Variants in MSRA observed in about 807,000 individuals in gnomAD.
MSRA encodes the protein mitochondrial peptide methionine sulfoxide reductase.
In MSRA, 54 loss-of-function variants were observed where a neutral mutation model predicts 31.3. The observed-to-expected ratio is 1.73, with a 90% CI of 1.39 to 2.17. The LOEUF (loss-of-function observed/expected upper bound fraction) is 2.17, where lower values mean the gene tolerates loss of function less well. Ranked by LOEUF, MSRA falls within the 30% of genes most tolerant of loss-of-function variation. MSRA has a pLI of 0.00. For synonymous variants in MSRA, 169 were observed against 116.5 expected (o/e 1.45, Z -2.90); for missense variants, 507 against 300.9 (o/e 1.69, Z -5.07).
At chr8:10,226,355 A>G (rs1234184103) in intron 2 of MSRA, among the ~76,000 whole-genome samples, 1 of 152,226 alleles carries the variant, frequency 6.6e-6, no homozygotes, top group Non-Finnish European at 1.5e-5. Flanking sequence ...CTTGTCAAGA[A>G]TGCTAAGAAG....
At chr8:10,241,487 A>G (rs769909525) in intron 2 of MSRA, among the ~76,000 whole-genome samples, 1 of 152,220 alleles carries the variant, frequency 6.6e-6, no homozygotes, top group African/African-American at 2.4e-5. Context: ...CAAGTTCGTC[A>G]TCTTGAAGAC....
chr8:10,195,434 G>A (rs1463276479), intron 1 of MSRA, among the ~76,000 whole-genome samples: 2 of 152,134 alleles, frequency 1.3e-5, no homozygotes, highest in African/African-American at 4.8e-5. Flanking sequence ...AGAGATGGGG[G>A]TTCCCCATGT....
At position 10,182,293 on chromosome 8, in the gene MSRA, A is replaced by G. The variant is rs115871850; in HGVS notation, c.143-25540A>G. ...GGTGCAGGCTGTTAAGGCCAAGAGT[A>G]TAAACTAAACTGTGTGTATCAGTTA... On this transcript the variant is annotated intron_variant, in intron 1 of 5. Coordinates refer to ENST00000317173, the MANE Select transcript of MSRA (RefSeq NM_012331.5). Among the ~76,000 whole-genome samples the G allele has an allele frequency of 7.2e-3, 1,103 of 152,340 alleles. 15 individuals are homozygous for G. The highest frequency in any genetic ancestry group is 0.024 in the African/African-American group (977 of 41,574).
chr8:10,232,269 C>A (rs995981748), intron 2 of MSRA, among the ~76,000 whole-genome samples: 3 of 152,224 alleles, frequency 2.0e-5, no homozygotes, highest in Non-Finnish European at 4.4e-5. Flanking sequence ...TGTTGGTTTC[C>A]ACTCTGACAA....
chr8:10,281,596 T>C (rs556228651), intron 3 of MSRA, among the ~76,000 whole-genome samples: 3 of 152,288 alleles, frequency 2.0e-5, no homozygotes, highest in African/African-American at 7.2e-5. Context: ...ATAACACAAC[T>C]TAGAAAAATG....
At chr8:10,351,356 C>T (rs780304878) in intron 5 of MSRA, among the ~76,000 whole-genome samples, 24 of 144,794 alleles carry the variant, frequency 1.7e-4, no homozygotes, top group Admixed American at 1.2e-3. Flanking sequence ...TGGGTTCAAG[C>T]GATTCTCCTG....
At chr8:10,125,295 C>T (rs995508711) in intron 1 of MSRA, among the ~76,000 whole-genome samples, 1 of 152,180 alleles carries the variant, frequency 6.6e-6, no homozygotes, top group African/African-American at 2.4e-5. Flanking sequence ...ATGACTAAGG[C>T]TTGGGGAGTT....
intron 5 of MSRA, among the ~76,000 whole-genome samples, chr8:10,373,633 G>C (rs538532153): frequency 2.4e-4 from 37 of 152,386 alleles, no homozygotes; most frequent in African/African-American, 8.7e-4. Flanking sequence ...GATCAGGGTT[G>C]GCTTGCATGG....
intron 5 of MSRA, among the ~76,000 whole-genome samples, chr8:10,414,885 G>C (rs890126973): frequency 6.6e-6 from 1 of 152,174 alleles, no homozygotes; most frequent in Non-Finnish European, 1.5e-5. Context: ...ACCCCTCAGA[G>C]ATCTATACAA....
intron 1 of MSRA, among the ~76,000 whole-genome samples, chr8:10,126,814 T>A (rs555572946): frequency 1.3e-5 from 2 of 152,330 alleles, no homozygotes; most frequent in East Asian, 3.9e-4. Context: ...ATGTCCAGCC[T>A]AGATTTTCAT....
At chr8:10,204,290 T>A (rs1808755284) in intron 1 of MSRA, among the ~76,000 whole-genome samples, 1 of 152,054 alleles carries the variant, frequency 6.6e-6, no homozygotes, top group South Asian at 2.1e-4. Flanking sequence ...GTGCGTGATA[T>A]TTATAAAGTC....
At chr8:10,345,458 G>C (rs776163517) in intron 5 of MSRA, among the ~76,000 whole-genome samples, 2 of 151,968 alleles carry the variant, frequency 1.3e-5, no homozygotes, top group Non-Finnish European at 1.5e-5. Context: ...GCGATCCAAG[G>C]GTCCACCATT....
At chr8:10,219,207 A>G (rs1300650185) in intron 2 of MSRA, among the ~76,000 whole-genome samples, 2 of 152,212 alleles carry the variant, frequency 1.3e-5, no homozygotes, top group African/African-American at 4.8e-5. Context: ...GAAGATTAAC[A>G]GCTGGGCCAT....
chr8:10,234,444 TAGA>T (rs150565970), intron 2 of MSRA, among the ~76,000 whole-genome samples: 4,096 of 152,094 alleles, frequency 0.027, 58 homozygotes, highest in African/African-American at 0.039. Flanking sequence ...GGGTAAACAC[TAGA>T]AGAACAGATT....
At chr8:10,348,840 G>C (rs942715341) in intron 5 of MSRA, among the ~76,000 whole-genome samples, 2 of 152,106 alleles carry the variant, frequency 1.3e-5, no homozygotes, top group African/African-American at 4.8e-5. Context: ...GAGAAGGCTT[G>C]GGGGGGACAA....
intron 5 of MSRA, among the ~76,000 whole-genome samples, chr8:10,369,208 T>C (rs1805339289): frequency 1.3e-5 from 2 of 152,068 alleles, no homozygotes; most frequent in Admixed American, 6.5e-5. Flanking sequence ...TAAAGTGACC[T>C]TTTAAATACT....
intron 1 of MSRA, among the ~76,000 whole-genome samples, chr8:10,187,215 A>T (rs1807132809): frequency 6.6e-6 from 1 of 152,222 alleles, no homozygotes; most frequent in South Asian, 2.1e-4. Flanking sequence ...TCTCCACATG[A>T]TCCACAGTGA....
intron 1 of MSRA, among the ~76,000 whole-genome samples, chr8:10,178,180 C>T (rs1055299626): frequency 6.6e-6 from 1 of 152,106 alleles, no homozygotes; most frequent in Non-Finnish European, 1.5e-5. Context: ...TCTGCATTGT[C>T]CTTGAGCTAA....
At chr8:10,171,948 A>T (rs143548732) in intron 1 of MSRA, among the ~76,000 whole-genome samples, 1 of 152,256 alleles carries the variant, frequency 6.6e-6, no homozygotes, top group African/African-American at 2.4e-5. Context: ...AGTCTGAAGT[A>T]TCTGAAGTAG....
Sources: gnomAD v4.1 joint callset for allele counts (sites outside exome capture counted in the v4.1 genomes callset) on GRCh38, gnomAD v4.1.1 for gene constraint, MANE v1.5 for transcripts, NCBI Gene and HGNC (gene_info 2026-07-23, HGNC 2026-07-21) for gene names.